SDK1: variants seen among roughly 807,000 people sequenced by gnomAD.
The protein encoded by SDK1 is protein sidekick-1.
A neutral mutation model predicts 245.5 loss-of-function variants in SDK1; 157 were observed. The observed-to-expected ratio is 0.64, with a 90% confidence interval of 0.56 to 0.73. The LOEUF (loss-of-function observed/expected upper bound fraction) is 0.73, where lower values mean the gene tolerates loss of function less well. SDK1 is among the 30% of genes least tolerant of loss of function. The pLI is 0.00. For synonymous variants in SDK1, 1,647 were observed against 1,278.5 expected (o/e 1.29, Z -6.15); for missense variants, 3,583 against 3,002.3 (o/e 1.19, Z -4.52).
chr7:3,888,756 C>T (rs751187231), intron 5 of SDK1, among the ~76,000 whole-genome samples: 1 of 152,180 alleles, frequency 6.6e-6, no homozygotes, highest in Non-Finnish European at 1.5e-5. Flanking sequence ...AGAAAAAATT[C>T]AGACATATTG....
chr7:3,479,768 A>G (rs914622582), intron 1 of SDK1, among the ~76,000 whole-genome samples: 21 of 152,038 alleles, frequency 1.4e-4, no homozygotes, highest in African/African-American at 5.1e-4. Context: ...AAGTTGAGGC[A>G]GGAGAATTGC....
intron 35 of SDK1, among the ~76,000 whole-genome samples, chr7:4,185,076 T>A (rs1212897340): frequency 6.6e-6 from 1 of 152,166 alleles, no homozygotes; most frequent in Non-Finnish European, 1.5e-5. Context: ...GCCAGGGAGA[T>A]GTCATCTCTA....
chr7:3,618,342 C>G (rs1156641016), intron 1 of SDK1, among the ~76,000 whole-genome samples: 2 of 152,318 alleles, frequency 1.3e-5, no homozygotes, highest in East Asian at 1.9e-4. Flanking sequence ...TATCCTTAAC[C>G]TCTGACACCA....
intron 40 of SDK1, among the ~76,000 whole-genome samples, chr7:4,223,393 A>G (rs1230306889): frequency 6.6e-6 from 1 of 152,228 alleles, no homozygotes; most frequent in Non-Finnish European, 1.5e-5. Context: ...GTTGTCTCAC[A>G]GTTCTGGAGG....
At chr7:3,613,366 C>A (rs929868265) in intron 1 of SDK1, among the ~76,000 whole-genome samples, 5 of 152,134 alleles carry the variant, frequency 3.3e-5, no homozygotes, top group African/African-American at 1.2e-4. Context: ...TACATTGGAT[C>A]TGAAAACCTT....
intron 22 of SDK1, among the ~76,000 whole-genome samples, chr7:4,085,801 C>T (rs1443780137): frequency 4.6e-5 from 7 of 151,966 alleles, no homozygotes; most frequent in Non-Finnish European, 7.4e-5. Flanking sequence ...GTGATCCGCC[C>T]GCCTCAGCCT....
chr7:3,727,319 C>A (rs1204558437), intron 4 of SDK1, among the ~76,000 whole-genome samples: 1 of 152,034 alleles, frequency 6.6e-6, no homozygotes, highest in East Asian at 1.9e-4. Context: ...TAATCAGAAC[C>A]CCTTAATAGG....
rs987000109 is a variant in SDK1 at position 3,821,661 on chromosome 7, C to A, written c.847+78C>A. ...AATCAGTAACCACTGTCTGACAGGA[C>A]ATTTTGCAATAAATTTTCTCTCTCT... On this transcript the variant is annotated intron_variant, in intron 5 of 44. Coordinates refer to ENST00000404826, the MANE Select transcript of SDK1 (RefSeq NM_152744.4). 4 of 1,483,606 alleles carry A rather than the reference C, an allele frequency of 2.7e-6. No homozygotes were observed. In the East Asian group the frequency reaches 9.2e-5, roughly 34 times the overall value. The allele number at this position is 1,483,606 out of a possible 1,614,324, so 91.9% of individuals were successfully genotyped here.
At chr7:4,121,548 C>T (rs1784067260) in intron 25 of SDK1, among the ~76,000 whole-genome samples, 1 of 152,214 alleles carries the variant, frequency 6.6e-6, no homozygotes, top group African/African-American at 2.4e-5. Flanking sequence ...GCCTCTCCAG[C>T]CATGTGTAAC....
intron 4 of SDK1, among the ~76,000 whole-genome samples, chr7:3,776,906 A>G (rs1371609048): frequency 6.6e-6 from 1 of 152,174 alleles, no homozygotes; most frequent in Non-Finnish European, 1.5e-5. Context: ...GGTAACATGC[A>G]GAGAACTGTA....
At chr7:3,919,293 G>T (rs1420384351) in intron 5 of SDK1, among the ~76,000 whole-genome samples, 2 of 152,218 alleles carry the variant, frequency 1.3e-5, no homozygotes, top group East Asian at 3.9e-4. Flanking sequence ...AAGATCTGGG[G>T]TGCATGGCCG....
intron 2 of SDK1, among the ~76,000 whole-genome samples, chr7:3,634,720 T>C (rs894062265): frequency 1.3e-5 from 2 of 152,230 alleles, no homozygotes; most frequent in African/African-American, 2.4e-5. Flanking sequence ...ATTCCCATAA[T>C]AGGTGGAGGA....
intron 4 of SDK1, among the ~76,000 whole-genome samples, chr7:3,780,480 G>C (rs537902520): frequency 6.6e-6 from 1 of 152,270 alleles, no homozygotes; most frequent in South Asian, 2.1e-4. Flanking sequence ...CCCAATAGCA[G>C]ATACCAGTCA....
At chr7:4,073,983 C>T (rs1443979164) in intron 20 of SDK1, among the ~76,000 whole-genome samples, 1 of 152,114 alleles carries the variant, frequency 6.6e-6, no homozygotes, top group Non-Finnish European at 1.5e-5. Flanking sequence ...GGGGAGGTCA[C>T]AGTCTTCCCG....
At chr7:4,240,780 G>A (rs1344951604) in intron 42 of SDK1, among the ~76,000 whole-genome samples, 1 of 152,152 alleles carries the variant, frequency 6.6e-6, no homozygotes, top group African/African-American at 2.4e-5. Context: ...CAGGGAGGTC[G>A]CCTCTGGTCT....
At chr7:3,583,593 G>T (rs1447991184) in intron 1 of SDK1, among the ~76,000 whole-genome samples, 1 of 152,048 alleles carries the variant, frequency 6.6e-6, no homozygotes, top group Non-Finnish European at 1.5e-5. Flanking sequence ...CCTCTACTTG[G>T]GGAGTTCCTT....
chr7:3,825,288 A>T (rs1779742177), intron 5 of SDK1, among the ~76,000 whole-genome samples: 1 of 150,938 alleles, frequency 6.6e-6, no homozygotes, highest in Non-Finnish European at 1.5e-5. Context: ...TTCTGAACTG[A>T]ATTACTATGT....
At chr7:4,165,599 T>G (rs604902) in intron 32 of SDK1, among the ~76,000 whole-genome samples, 19,931 of 151,854 alleles carry the variant, frequency 0.13, 1,407 homozygotes, top group Non-Finnish European at 0.14. Context: ...AGGTGATTCT[T>G]CTGCCTCAGC....
rs370719010 is a variant in SDK1 at position 3,363,524 on chromosome 7, A to G, written c.298+61640A>G. ...TATGTTAATTGTATGTTTGTTGTTT[A>G]AGACAGCGGCCCCCAACCTTTTTGG... On this transcript the variant is annotated intron_variant, in intron 1 of 44. Coordinates refer to ENST00000404826, the MANE Select transcript of SDK1 (RefSeq NM_152744.4). 2.6e-5 allele frequency among the ~76,000 whole-genome samples: 4 copies of G among 152,288 alleles called. No homozygotes were observed. The East Asian group carries it at 5.8e-4, about 22-fold the overall frequency.
Sources: allele counts gnomAD v4.1 joint callset (sites outside exome capture counted in the v4.1 genomes callset), GRCh38; gene constraint gnomAD v4.1.1; transcripts MANE v1.5; gene names NCBI Gene and HGNC (gene_info 2026-07-23, HGNC 2026-07-21).